The following COG5 variants were observed in gnomAD, a reference collection of about 807,000 sequenced individuals.
The protein encoded by COG5 is component of oligomeric golgi complex 5.
Under a neutral mutation model 110.4 loss-of-function variants are expected in COG5, and 86 were observed. The ratio of observed to expected loss-of-function variants is 0.78; its 90% CI spans 0.65 to 0.93. The LOEUF is 0.93. COG5 is among the 40% of genes least tolerant of loss of function. COG5 has a pLI of 0.00. For missense variants in COG5, 1,077 were observed against 987.0 expected (o/e 1.09, Z -1.22); for synonymous variants, 360 against 334.6 (o/e 1.08, Z -0.83).
At chr7:107,420,376 C>T (rs1048014326) in intron 6 of COG5, among the ~76,000 whole-genome samples, 5 of 152,240 alleles carry the variant, frequency 3.3e-5, no homozygotes, top group Admixed American at 6.5e-5. Context: ...TTCTTTTGAT[C>T]GGGATAGGGA....
chr7:107,458,841 A>T (rs76843948), intron 6 of COG5, among the ~76,000 whole-genome samples: 207 of 152,250 alleles, frequency 1.4e-3, no homozygotes, highest in Non-Finnish European at 2.5e-3. Flanking sequence ...CCTAGGCAAC[A>T]GAGTGAGAAT....
chr7:107,283,608 AG>A lies in COG5; in HGVS notation c.1437del (p.Ser480LeufsTer11). On this transcript the variant is annotated frameshift_variant, in exon 13 of 22. Transcript: ENST00000297135. LOFTEE classifies it high-confidence loss of function. ...VFPPGGRNPP[S>X]SDELDGIIKT... ...TTAATAATACCATCAAGTTCATCAG[AG>A]GAAGGAGGATTACGACCACCCGGGG... 1 of 1,614,054 alleles carries A rather than the reference AG, an allele frequency of 6.2e-7. No individual in the cohort carries two copies. Among genetic ancestry groups the A allele is most frequent in the African/African-American group, 1.3e-5 (1 of 75,040 alleles).
chr7:107,376,493 T>TA (rs1814649862), intron 7 of COG5, among the ~76,000 whole-genome samples: 1 of 152,096 alleles, frequency 6.6e-6, no homozygotes, highest in Admixed American at 6.5e-5. Context: ...AAGTCTTATA[T>TA]ATCTTTAGTT....
At chr7:107,524,548 G>A (rs547523470) in intron 6 of COG5, among the ~76,000 whole-genome samples, 40 of 152,282 alleles carry the variant, frequency 2.6e-4, no homozygotes, top group African/African-American at 8.7e-4. Context: ...GTGTACATGT[G>A]TATAACTGTA....
intron 5 of COG5, among the ~76,000 whole-genome samples, chr7:107,541,987 T>G (rs1231576944): frequency 1.3e-5 from 2 of 151,156 alleles, no homozygotes; most frequent in East Asian, 1.9e-4. Context: ...AACAGCAGAT[T>G]ACATACTTAA....
intron 10 of COG5, among the ~76,000 whole-genome samples, chr7:107,325,124 T>A (rs183403610): frequency 1.6e-3 from 244 of 152,316 alleles, no homozygotes; most frequent in Admixed American, 3.1e-3. Flanking sequence ...CATGATACTT[T>A]CAACTTTGAA....
At chr7:107,256,886 A>G (rs918450116) in intron 15 of COG5, 92 bp from the exon 16 acceptor site, 5 of 827,668 alleles carry the variant, frequency 6.0e-6, no homozygotes, top group African/African-American at 5.0e-5. Context: ...CTGTTTCCAC[A>G]AAGTATATAT....
chr7:107,290,230 CT>C (rs1264057164), intron 12 of COG5, among the ~76,000 whole-genome samples: 2 of 151,972 alleles, frequency 1.3e-5, no homozygotes, highest in African/African-American at 2.4e-5. Context: ...ACCCTCCCCA[CT>C]TTTTTTCTTT....
chr7:107,475,644 A>G (rs1164741406), intron 6 of COG5: 1 of 274,880 alleles, frequency 3.6e-6, no homozygotes, highest in East Asian at 7.4e-5. Flanking sequence ...AGGAATAAAT[A>G]CATAGCCTTA....
At chr7:107,463,837 C>A (rs565867664) in intron 6 of COG5, among the ~76,000 whole-genome samples, 2 of 152,096 alleles carry the variant, frequency 1.3e-5, no homozygotes, top group African/African-American at 4.8e-5. Context: ...TCCAGGGTGA[C>A]GCTGTGCTCC....
intron 5 of COG5, among the ~76,000 whole-genome samples, chr7:107,529,451 G>A (rs1252324290): frequency 1.3e-5 from 2 of 152,172 alleles, no homozygotes; most frequent in Non-Finnish European, 2.9e-5. Context: ...CAACTTCCAG[G>A]GCATGTGCTT....
intron 10 of COG5, among the ~76,000 whole-genome samples, chr7:107,329,538 C>T (rs1810066272): frequency 6.6e-6 from 1 of 151,930 alleles, no homozygotes; most frequent in Non-Finnish European, 1.5e-5. Context: ...AATAGTAAAT[C>T]TATATCTCCT....
chr7:107,410,276 T>C (rs761569895), intron 7 of COG5, among the ~76,000 whole-genome samples: 4 of 152,168 alleles, frequency 2.6e-5, no homozygotes, highest in Non-Finnish European at 5.9e-5. Flanking sequence ...TGGTGAAGTT[T>C]GAGAATCATC....
intron 6 of COG5, among the ~76,000 whole-genome samples, chr7:107,486,602 G>C (rs998031353): frequency 6.6e-6 from 1 of 151,968 alleles, no homozygotes; most frequent in Admixed American, 6.6e-5. Flanking sequence ...AAAAAATCTA[G>C]CTGTAAATAG....
chr7:107,291,972 T>G (rs1212055413), intron 12 of COG5, among the ~76,000 whole-genome samples: 1 of 152,180 alleles, frequency 6.6e-6, no homozygotes, highest in Admixed American at 6.5e-5. Context: ...GGGAAGAGAA[T>G]AGAGGCTGTT....
rs763100885 is a variant in COG5 at position 107,372,777 on chromosome 7, G to A, written c.670-17C>T. Reference sequence around the variant, plus strand: ...AGTTGGATTCTTAAAAAAAGGTGGGGTGGGGTGGAAACAGATATAAATAGG... The same window carrying A: ...AGTTGGATTCTTAAAAAAAGGTGGGATGGGGTGGAAACAGATATAAATAGG... On this transcript the variant is annotated splice_polypyrimidine_tract_variant and intron_variant, in intron 7 of 21. Coordinates refer to ENST00000297135, the MANE Select transcript of COG5 (RefSeq NM_006348.5). 2 of 1,612,954 alleles carry A rather than the reference G, an allele frequency of 1.2e-6. No homozygotes were observed. The highest frequency in any genetic ancestry group is 2.2e-5 in the South Asian group (2 of 91,020).
chr7:107,538,166 T>C (rs925528023), intron 5 of COG5, among the ~76,000 whole-genome samples: 6 of 152,068 alleles, frequency 3.9e-5, no homozygotes, highest in African/African-American at 1.4e-4. Flanking sequence ...TGTAACCACA[T>C]GTACAGTAAA....
At chr7:107,507,358 A>C (rs984776762) in intron 6 of COG5, among the ~76,000 whole-genome samples, 2 of 149,282 alleles carry the variant, frequency 1.3e-5, no homozygotes, top group African/African-American at 4.9e-5. Flanking sequence ...CAGTGGTGCA[A>C]TCTCCGCTCA....
At chr7:107,294,442 A>G (rs1806425501) in intron 12 of COG5, among the ~76,000 whole-genome samples, 2 of 152,004 alleles carry the variant, frequency 1.3e-5, no homozygotes, top group African/African-American at 4.8e-5. Flanking sequence ...CACTTCTCCA[A>G]CTCTGTGCTG....
Sources: gnomAD v4.1 joint callset for allele counts (sites outside exome capture counted in the v4.1 genomes callset) on GRCh38, gnomAD v4.1.1 for gene constraint, MANE v1.5 for transcripts, NCBI Gene and HGNC (gene_info 2026-07-23, HGNC 2026-07-21) for gene names.